The following OPCML variants were observed in gnomAD, a reference collection of about 807,000 sequenced individuals.
OPCML encodes the protein opioid binding protein/cell adhesion molecule like.
A neutral mutation model predicts 37.8 loss-of-function variants in OPCML; 13 were observed. The ratio of observed to expected loss-of-function variants is 0.34; its 90% CI spans 0.22 to 0.55. The LOEUF is 0.55. OPCML is among the 20% of genes least tolerant of loss of function. The probability of loss-of-function intolerance (pLI) is 0.91; values close to 1 mark genes in which losing one functional copy is unlikely to be tolerated. For missense variants in OPCML, 341 were observed against 435.6 expected, an observed-to-expected ratio of 0.78 and a Z score of 1.93; for synonymous variants, 176 against 168.8, an observed-to-expected ratio of 1.04 and a Z score of -0.33.
At chr11:132,622,033 A>G (rs1008238723) in intron 3 of OPCML, among the ~76,000 whole-genome samples, 4 of 152,194 alleles carry the variant, frequency 2.6e-5, no homozygotes, top group Non-Finnish European at 5.9e-5. Context: ...CAATTAAAAT[A>G]ATTGATTATA....
chr11:132,900,304 C>CT (rs1944007541), intron 2 of OPCML, among the ~76,000 whole-genome samples: 1 of 152,102 alleles, frequency 6.6e-6, no homozygotes, highest in Non-Finnish European at 1.5e-5. Context: ...TGATATCACT[C>CT]TTTTCTTCCT....
intron 2 of OPCML, among the ~76,000 whole-genome samples, chr11:132,661,529 T>C (rs2135786679): frequency 6.6e-6 from 1 of 152,306 alleles, no homozygotes; most frequent in African/African-American, 2.4e-5. Context: ...GCTCCTTCCC[T>C]GCTGTCTGTG....
intron 2 of OPCML, among the ~76,000 whole-genome samples, chr11:132,848,923 A>G (rs755214664): frequency 6.6e-6 from 1 of 152,190 alleles, no homozygotes; most frequent in Admixed American, 6.5e-5. Context: ...GAAAGGCAGG[A>G]TGTTGCTGGG....
intron 1 of OPCML, chr11:133,006,193 T>A: frequency 1.2e-6 from 1 of 863,760 alleles, no homozygotes; most frequent in Non-Finnish European, 1.4e-6. Flanking sequence ...GCGCCATCTG[T>A]AGTAGGGAGG....
At chr11:133,467,337 A>C (rs1946999818) in intron 1 of OPCML, among the ~76,000 whole-genome samples, 1 of 152,120 alleles carries the variant, frequency 6.6e-6, no homozygotes, top group Admixed American at 6.5e-5. Context: ...AGCTGTCCCT[A>C]CTTGGTTTTA....
At chr11:132,992,609 T>C (rs1216864614) in intron 1 of OPCML, among the ~76,000 whole-genome samples, 1 of 152,042 alleles carries the variant, frequency 6.6e-6, no homozygotes, top group African/African-American at 2.4e-5. Context: ...AGGCAGGCAA[T>C]GAGCAAACTA....
intron 2 of OPCML, among the ~76,000 whole-genome samples, chr11:132,660,962 C>T (rs1174685792): frequency 1.3e-5 from 2 of 152,170 alleles, no homozygotes; most frequent in Non-Finnish European, 2.9e-5. Flanking sequence ...AGTGCATTTC[C>T]TGAATCCTAT....
At chr11:133,457,227 C>T (rs929738479) in intron 1 of OPCML, among the ~76,000 whole-genome samples, 6 of 152,236 alleles carry the variant, frequency 3.9e-5, no homozygotes, top group Admixed American at 3.9e-4. Flanking sequence ...TAAACGTTTT[C>T]TTAAAGCATC....
chr11:132,886,654 T>C (rs1459768092), intron 2 of OPCML, among the ~76,000 whole-genome samples: 2 of 152,204 alleles, frequency 1.3e-5, no homozygotes, highest in African/African-American at 2.4e-5. Flanking sequence ...CCATTGGTTA[T>C]GAGCAAGTCA....
At chr11:132,675,155 A>ATGTGTG (rs35219821) in intron 2 of OPCML, among the ~76,000 whole-genome samples, 2,639 of 143,980 alleles carry the variant, frequency 0.018, 79 homozygotes, top group African/African-American at 0.064. Flanking sequence ...ATATATATGT[A>ATGTGTG]TGTGTGTGTG....
At chr11:132,552,220 C>T (rs2096383344) in intron 3 of OPCML, among the ~76,000 whole-genome samples, 3 of 152,196 alleles carry the variant, frequency 2.0e-5, no homozygotes, top group Admixed American at 2.0e-4. Flanking sequence ...CTTTTGAAAA[C>T]CACTTTATTA....
intron 1 of OPCML, among the ~76,000 whole-genome samples, chr11:133,493,700 A>T (rs1947716995): frequency 6.6e-6 from 1 of 152,192 alleles, no homozygotes. Context: ...ATAAAAATAA[A>T]ATTGTTGTGT....
intron 3 of OPCML, among the ~76,000 whole-genome samples, chr11:132,533,194 T>C (rs541905396): frequency 1.6e-4 from 24 of 152,334 alleles, no homozygotes; most frequent in Non-Finnish European, 3.1e-4. Context: ...CCTTCCCTGC[T>C]GGTGCTGCAG....
chr11:133,140,943 A>AGACGAC (rs201331818), intron 1 of OPCML, among the ~76,000 whole-genome samples: 1 of 13,668 alleles, frequency 7.3e-5, no homozygotes, highest in African/African-American at 1.6e-4. Context: ...AAGAAGAAGA[A>AGACGAC]GACGACGAAG....
intron 2 of OPCML, among the ~76,000 whole-genome samples, chr11:132,744,920 G>A (rs980442912): frequency 1.3e-5 from 2 of 151,970 alleles, no homozygotes; most frequent in African/African-American, 4.8e-5. Context: ...CTAAATATTC[G>A]GGATATGGCA....
chr11:132,445,378 A>C (rs1370965817), intron 4 of OPCML, among the ~76,000 whole-genome samples: 1 of 152,158 alleles, frequency 6.6e-6, no homozygotes, highest in African/African-American at 2.4e-5. Context: ...AAAGGACTCA[A>C]GTGACTCCTC....
At chr11:132,423,832 CT>C (rs1415107449) in intron 7 of OPCML, among the ~76,000 whole-genome samples, 2 of 152,164 alleles carry the variant, frequency 1.3e-5, no homozygotes, top group African/African-American at 4.8e-5. Context: ...ACAGAGCCAC[CT>C]GTGTGACAGG....
chr11:132,605,663 T>C (rs1453000318), intron 3 of OPCML, among the ~76,000 whole-genome samples: 1 of 152,216 alleles, frequency 6.6e-6, no homozygotes, highest in Non-Finnish European at 1.5e-5. Context: ...GCCCCAGCTA[T>C]AACTTAGTCT....
At chr11:133,132,325 T>G (rs921581857) in intron 1 of OPCML, among the ~76,000 whole-genome samples, 2 of 152,146 alleles carry the variant, frequency 1.3e-5, no homozygotes, top group Admixed American at 6.6e-5. Context: ...AAGACTGCAA[T>G]GACAAGCCAC....
Sources: allele counts gnomAD v4.1 joint callset (sites outside exome capture counted in the v4.1 genomes callset), GRCh38; gene constraint gnomAD v4.1.1; transcripts MANE v1.5; gene names NCBI Gene and HGNC (gene_info 2026-07-23, HGNC 2026-07-21).